CTIF: variants seen among roughly 807,000 people sequenced by gnomAD.
CTIF encodes CBP80/20-dependent translation initiation factor.
In CTIF, 21 loss-of-function variants were observed where a neutral mutation model predicts 66.0. The ratio of observed to expected loss-of-function variants is 0.32; its 90% CI spans 0.23 to 0.46. CTIF has a LOEUF of 0.46. CTIF is among the 20% of genes least tolerant of loss of function. The pLI is 1.00. For missense variants in CTIF, 739 were observed against 812.7 expected, an observed-to-expected ratio of 0.91 and a Z score of 1.10; for synonymous variants, 345 against 326.4, an observed-to-expected ratio of 1.06 and a Z score of -0.62.
intron 3 of CTIF, among the ~76,000 whole-genome samples, chr18:48,659,621 G>C (rs571304510): frequency 6.6e-6 from 1 of 152,348 alleles, no homozygotes; most frequent in South Asian, 2.1e-4. Context: ...CATCACGGGG[G>C]AGGGAATGAG....
intron 9 of CTIF, among the ~76,000 whole-genome samples, chr18:48,775,506 G>A (rs571352593): frequency 6.6e-6 from 1 of 152,368 alleles, no homozygotes; most frequent in African/African-American, 2.4e-5. Flanking sequence ...ACTGTAGACA[G>A]CCCAGGATCC....
chr18:48,711,385 C>T (rs2092221857), intron 6 of CTIF, among the ~76,000 whole-genome samples: 1 of 152,236 alleles, frequency 6.6e-6, no homozygotes, highest in African/African-American at 2.4e-5. Flanking sequence ...TTCTAAGGTC[C>T]TCATTGTCCC....
chr18:48,656,897 T>A (rs1302650456), intron 3 of CTIF, among the ~76,000 whole-genome samples: 1 of 152,206 alleles, frequency 6.6e-6, no homozygotes, highest in Non-Finnish European at 1.5e-5. Flanking sequence ...AATTGCCAAC[T>A]GCAGAATGTT....
At chr18:48,550,164 C>G (rs1312224691) in intron 1 of CTIF, among the ~76,000 whole-genome samples, 1 of 152,140 alleles carries the variant, frequency 6.6e-6, no homozygotes, top group East Asian at 1.9e-4. Flanking sequence ...GTTCTGTGGT[C>G]TGTTCTCCCA....
chr18:48,661,977 T>C (rs2091354161), intron 3 of CTIF: 1 of 152,250 alleles, frequency 6.6e-6, no homozygotes, highest in Admixed American at 6.5e-5. Context: ...AGGGGGTCCC[T>C]GCCATCAAGG....
intron 1 of CTIF, among the ~76,000 whole-genome samples, chr18:48,609,184 A>G (rs2090262399): frequency 1.3e-5 from 2 of 152,208 alleles, no homozygotes; most frequent in Non-Finnish European, 2.9e-5. Flanking sequence ...AGAGAGCCAG[A>G]CTGAGGCCCA....
At chr18:48,559,311 G>C (rs557803915) in intron 1 of CTIF, among the ~76,000 whole-genome samples, 1 of 151,650 alleles carries the variant, frequency 6.6e-6, no homozygotes, top group Non-Finnish European at 1.5e-5. Context: ...ATCTTAGCTC[G>C]TTTATTAATA....
chr18:48,647,215 T>G (rs2091057359), intron 3 of CTIF, among the ~76,000 whole-genome samples: 1 of 152,224 alleles, frequency 6.6e-6, no homozygotes, highest in African/African-American at 2.4e-5. Flanking sequence ...TCGCATACTC[T>G]GCAATTCCAT....
chr18:48,598,592 G>T (rs1046760868), intron 1 of CTIF, among the ~76,000 whole-genome samples: 1 of 152,154 alleles, frequency 6.6e-6, no homozygotes, highest in Admixed American at 6.5e-5. Context: ...GAACCCTTTG[G>T]TATTTGCCAG....
intron 2 of CTIF, among the ~76,000 whole-genome samples, chr18:48,626,055 G>T (rs543847955): frequency 1.6e-5 from 2 of 128,540 alleles, no homozygotes; most frequent in East Asian, 4.6e-4. Context: ...AGGCTGTAGT[G>T]TAGTGGCGCG....
At chr18:48,600,593 G>T (rs770948514) in intron 1 of CTIF, among the ~76,000 whole-genome samples, 1 of 151,836 alleles carries the variant, frequency 6.6e-6, no homozygotes, top group Non-Finnish European at 1.5e-5. Flanking sequence ...CGTTTGTTGC[G>T]CTTTGAGTCA....
Position 48,863,176 on chromosome 18 carries a change from C to CAAGT in CTIF, c.*3618_*3621dup. On this transcript the variant is annotated 3_prime_UTR_variant, in exon 12 of 12. Coordinates refer to ENST00000256413, the MANE Select transcript of CTIF (RefSeq NM_014772.3). The stretch of plus-strand genomic sequence containing the variant: ...CTGCTTTCCAGCTGAACCCAAACTA[C>CAAGT]AAGTGGGTTTAAAAAAATAAACACC... 1 of 138,110 alleles carries CAAGT rather than the reference C, an allele frequency of 7.2e-6. No homozygotes were observed. The highest frequency in any genetic ancestry group is 1.6e-5 in the Non-Finnish European group (1 of 64,016). 8.6% of individuals were successfully genotyped at this position (138,110 alleles called of 1,614,324 possible). A position where few individuals can be genotyped will look rare whatever the true frequency, so the allele number is the denominator to read the frequency against.
intron 1 of CTIF, among the ~76,000 whole-genome samples, chr18:48,542,076 TAG>T (rs1414752944): frequency 1.3e-5 from 2 of 152,192 alleles, no homozygotes; most frequent in Non-Finnish European, 2.9e-5. Flanking sequence ...AGCTAAAAAA[TAG>T]AGTATATTAT....
At chr18:48,651,715 A>G (rs1568105693) in intron 3 of CTIF, among the ~76,000 whole-genome samples, 1 of 152,240 alleles carries the variant, frequency 6.6e-6, no homozygotes, top group East Asian at 1.9e-4. Context: ...CTTAGTTGGA[A>G]GTAAAGCACT....
At chr18:48,649,897 A>C (rs149980040) in intron 3 of CTIF, among the ~76,000 whole-genome samples, 131 of 152,364 alleles carry the variant, frequency 8.6e-4, no homozygotes, top group South Asian at 1.7e-3. Flanking sequence ...TGACTGTTAG[A>C]AGGAAAACTA....
In CTIF at chr18:48,758,100, A is replaced by C; in HGVS notation, c.766A>C (p.Lys256Gln). The C allele has an allele frequency of 6.2e-7, 1 of 1,614,080 alleles. No individual in the cohort carries two copies. The highest frequency in any genetic ancestry group is 8.5e-7 in the Non-Finnish European group (1 of 1,180,004). Residue 256 changes from lysine (K) to glutamine (Q), a missense_variant, in exon 8 of 12, where the codon AAG becomes CAG. By Grantham distance (53) the Lys-to-Gln change is moderately conservative (BLOSUM62 1). Transcript: ENST00000256413. ...QNRRWHHGNMKHPPGDKGEAG... is the reference protein window; with the variant it reads ...QNRRWHHGNMQHPPGDKGEAG... ...CCGGCGCTGGCACCATGGCAACATG[A>C]AGCACCCACCAGGCGACAAGGGGGA...
chr18:48,657,130 G>T (rs1293551965), intron 3 of CTIF, among the ~76,000 whole-genome samples: 1 of 152,170 alleles, frequency 6.6e-6, no homozygotes, highest in Non-Finnish European at 1.5e-5. Context: ...GGGTTCCATG[G>T]AACCCTAGTC....
chr18:48,574,012 G>C (rs2089477155), intron 1 of CTIF, among the ~76,000 whole-genome samples: 1 of 152,210 alleles, frequency 6.6e-6, no homozygotes, highest in Non-Finnish European at 1.5e-5. Context: ...AGTGGAGTCT[G>C]GTGTCACCGG....
chr18:48,825,311 G>T (rs760525666), intron 10 of CTIF, among the ~76,000 whole-genome samples: 62 of 152,180 alleles, frequency 4.1e-4, no homozygotes, highest in Non-Finnish European at 7.9e-4. Context: ...ATGCCTCTGA[G>T]GGGTGTCTCT....
Sources: gnomAD v4.1 joint callset for allele counts (sites outside exome capture counted in the v4.1 genomes callset) on GRCh38, gnomAD v4.1.1 for gene constraint, MANE v1.5 for transcripts, NCBI Gene and HGNC (gene_info 2026-07-23, HGNC 2026-07-21) for gene names.